ORC4: variants seen among roughly 807,000 people sequenced by gnomAD.
ORC4 encodes origin recognition complex subunit 4, also known as origin recognition complex, subunit 4 homolog.
A neutral mutation model predicts 63.9 loss-of-function variants in ORC4; 55 were observed. That is an observed-to-expected ratio of 0.86 (90% confidence interval 0.69 to 1.08). The LOEUF is 1.08. Among genes scored for constraint, ORC4 ranks in the 50% least tolerant of loss-of-function variants. The pLI is 0.00. For missense variants in ORC4, 511 were observed against 504.4 expected (o/e 1.01, Z -0.13); for synonymous variants, 150 against 168.5 (o/e 0.89, Z 0.85).
chr2:147,985,667 AG>A (rs1691158319), intron 1 of ORC4, among the ~76,000 whole-genome samples: 1 of 152,234 alleles, frequency 6.6e-6, no homozygotes, highest in Non-Finnish European at 1.5e-5. Flanking sequence ...TCCTCATCTT[AG>A]GTTAGTTCTA....
intron 13 of ORC4, chr2:147,936,694 A>T (rs1285277866): frequency 6.6e-6 from 1 of 152,220 alleles, no homozygotes; most frequent in Admixed American, 6.5e-5. Context: ...TCATAATTGA[A>T]AATTCAGAAA....
At chr2:148,008,508 T>C (rs1387309239) in intron 1 of ORC4, among the ~76,000 whole-genome samples, 2 of 152,240 alleles carry the variant, frequency 1.3e-5, no homozygotes, top group Non-Finnish European at 2.9e-5. Flanking sequence ...CTTTGCCTTC[T>C]AGTTTTAAAC....
intron 1 of ORC4, among the ~76,000 whole-genome samples, chr2:148,006,371 A>C (rs1465973613): frequency 6.6e-6 from 1 of 152,156 alleles, no homozygotes; most frequent in Non-Finnish European, 1.5e-5. Flanking sequence ...GGCCCGGAAT[A>C]AATTGGAGTG....
intron 11 of ORC4, chr2:147,938,682 C>A (rs1688196557): frequency 2.6e-6 from 1 of 381,070 alleles, no homozygotes; most frequent in Non-Finnish European, 4.8e-6. Flanking sequence ...CCACAGTAAA[C>A]AAAATAAACT....
intron 4 of ORC4, among the ~76,000 whole-genome samples, chr2:147,963,536 C>T (rs1689727999): frequency 6.6e-6 from 1 of 152,180 alleles, no homozygotes; most frequent in African/African-American, 2.4e-5. Flanking sequence ...TGTATCCCTA[C>T]ACCTCTGTTG....
chr2:147,971,255 T>C (rs956994223), intron 4 of ORC4, among the ~76,000 whole-genome samples: 1 of 151,894 alleles, frequency 6.6e-6, no homozygotes, highest in Non-Finnish European at 1.5e-5. Context: ...AATGAAATCT[T>C]CTGCTCTGCC....
Position 147,939,320 on chromosome 2 carries a change from T to A in ORC4, c.850-72A>T, listed in dbSNP as rs577789041. 1.0e-5 allele frequency: 9 copies of A among 869,950 alleles called. No individual in the cohort carries two copies. In the Admixed American group the frequency reaches 1.6e-4, roughly 15 times the overall value. The allele number at this position is 869,950 out of a possible 1,614,324, so 53.9% of individuals were successfully genotyped here. On this transcript the variant is annotated intron_variant, in intron 10 of 13. Coordinates refer to ENST00000392857, the MANE Select transcript of ORC4 (RefSeq NM_181741.4). ...TTTTGGAGATACTGTGCAAAACTTC[T>A]GAATTTGTATAGTTAATTCTTAAGG... is the stretch of plus-strand genomic sequence containing the variant.
In ORC4 at chr2:148,015,209, C is replaced by A. The variant is rs6735568; in HGVS notation, c.-18+5424G>T. 1.2e-4 allele frequency among the ~76,000 whole-genome samples: 18 copies of A among 149,368 alleles called. 1 individual carries two copies. The highest frequency in any genetic ancestry group is 4.4e-4 in the African/African-American group (18 of 40,792). On this transcript the variant is annotated intron_variant, in intron 1 of 13. Transcript: ENST00000392857. Reference sequence around the variant, plus strand: ...AAAAAGAAACAAACAAAAAAAAATTCTAAAAGAGAGATTTCCTTCAAAGCA... The same window carrying A: ...AAAAAGAAACAAACAAAAAAAAATTATAAAAGAGAGATTTCCTTCAAAGCA...
At chr2:147,938,580 GT>G (rs1688192050) in intron 11 of ORC4, 187 bp from the exon 12 acceptor site, 2 of 552,960 alleles carry the variant, frequency 3.6e-6, no homozygotes, top group Non-Finnish European at 6.4e-6. Flanking sequence ...CCTGAGCTTA[GT>G]TTTTTTCCTA....
chr2:147,970,566 G>T (rs1372314941), intron 4 of ORC4, among the ~76,000 whole-genome samples: 1 of 146,742 alleles, frequency 6.8e-6, no homozygotes, highest in Non-Finnish European at 1.5e-5. Flanking sequence ...AGAAGCAAAG[G>T]CAATTCAATG....
chr2:147,998,271 G>A (rs1321797670), intron 1 of ORC4, among the ~76,000 whole-genome samples: 1 of 152,170 alleles, frequency 6.6e-6, no homozygotes, highest in African/African-American at 2.4e-5. Flanking sequence ...CTTTGGTCAT[G>A]CTATAATTTG....
intron 1 of ORC4, among the ~76,000 whole-genome samples, chr2:148,015,797 A>G (rs1476903124): frequency 1.3e-5 from 2 of 152,156 alleles, no homozygotes; most frequent in Non-Finnish European, 2.9e-5. Context: ...GGGTCGTAAA[A>G]CAGCAGAGAC....
At chr2:147,983,526 T>C (rs1165948633) in intron 1 of ORC4, among the ~76,000 whole-genome samples, 1 of 152,112 alleles carries the variant, frequency 6.6e-6, no homozygotes, top group African/African-American at 2.4e-5. Context: ...ATTCAGCCTG[T>C]AGATCAGGGG....
In ORC4 at chr2:147,931,251, T is replaced by TATC. The variant is rs1553448057; in HGVS notation, c.*4256_*4258dup. The TATC allele has an allele frequency of 1.3e-5, 2 of 151,830 alleles. No individual in the cohort carries two copies. The highest frequency in any genetic ancestry group is 2.9e-5 in the Non-Finnish European group (2 of 67,948). 9.4% of individuals were successfully genotyped at this position (151,830 alleles called of 1,614,324 possible). ...TGTGCCACGTTTTCTTAATCCAGTC[T>TATC]ATCATTGTTGGACATTTGGGTTGGT... On this transcript the variant is annotated 3_prime_UTR_variant, in exon 14 of 14. Transcript: ENST00000392857.
chr2:147,957,262 ATAAT>A (rs1689315056), intron 6 of ORC4, among the ~76,000 whole-genome samples: 1 of 147,648 alleles, frequency 6.8e-6, no homozygotes, highest in African/African-American at 2.4e-5. Context: ...TATAGAGTAT[ATAAT>A]TATATAATTA....
intron 8 of ORC4, among the ~76,000 whole-genome samples, chr2:147,949,350 C>A (rs2105289542): frequency 6.6e-6 from 1 of 152,196 alleles, no homozygotes; most frequent in East Asian, 1.9e-4. Context: ...TCACACAAAA[C>A]TATACGTTGT....
intron 1 of ORC4, among the ~76,000 whole-genome samples, chr2:147,992,120 A>G (rs1442108728): frequency 6.6e-6 from 1 of 152,208 alleles, no homozygotes; most frequent in Non-Finnish European, 1.5e-5. Context: ...CTTAAATATT[A>G]TAGTGATCAA....
intron 1 of ORC4, among the ~76,000 whole-genome samples, chr2:147,980,257 T>A (rs1690799907): frequency 6.6e-6 from 1 of 152,016 alleles, no homozygotes; most frequent in Non-Finnish European, 1.5e-5. Flanking sequence ...TTAATATAAA[T>A]TTTAAAAACA....
chr2:147,933,634 C>T lies in ORC4; in HGVS notation c.*1876G>A, dbSNP rs1687889738. ...CTTAAGCTAATAAGAAATTGGAATCCTCAAGTCATTTCATGAGGCTGTTAC... is the reference window on the plus strand; with the variant it reads ...CTTAAGCTAATAAGAAATTGGAATCTTCAAGTCATTTCATGAGGCTGTTAC... On this transcript the variant is annotated 3_prime_UTR_variant, in exon 14 of 14. Transcript: ENST00000392857. 6.6e-6 allele frequency: 1 copy of T among 152,042 alleles called. No individual in the cohort carries two copies. The highest frequency in any genetic ancestry group is 1.5e-5 in the Non-Finnish European group (1 of 67,992). The allele number at this position is 152,042 out of a possible 1,614,324, so 9.4% of individuals were successfully genotyped here.
Sources: allele counts gnomAD v4.1 joint callset (sites outside exome capture counted in the v4.1 genomes callset), GRCh38; gene constraint gnomAD v4.1.1; transcripts MANE v1.5; gene names NCBI Gene and HGNC (gene_info 2026-07-23, HGNC 2026-07-21).